Variants in MYO1B observed in about 807,000 individuals in gnomAD.
MYO1B encodes myosin IB, also known as unconventional myosin-Ib.
In MYO1B, 72 loss-of-function variants were observed where a neutral mutation model predicts 159.7. The ratio of observed to expected loss-of-function variants is 0.45; its 90% CI spans 0.37 to 0.55. The LOEUF (loss-of-function observed/expected upper bound fraction) is 0.55. Ranked by LOEUF, MYO1B falls within the 20% of genes least tolerant of loss-of-function variation. The probability of loss-of-function intolerance (pLI) is 0.00; values close to 1 mark genes in which losing one functional copy is unlikely to be tolerated. For synonymous variants in MYO1B, 468 were observed against 473.8 expected (o/e 0.99, Z 0.16); for missense variants, 1,062 against 1,364.8 (o/e 0.78, Z 3.50).
At chr2:191,267,650 A>G (rs951937794) in intron 1 of MYO1B, among the ~76,000 whole-genome samples, 5 of 152,158 alleles carry the variant, frequency 3.3e-5, no homozygotes, top group African/African-American at 4.8e-5. Flanking sequence ...ACTTTCTCCA[A>G]TGCTTTAGGG....
At chr2:191,265,121 G>C (rs988767148) in intron 1 of MYO1B, among the ~76,000 whole-genome samples, 1 of 151,730 alleles carries the variant, frequency 6.6e-6, no homozygotes, top group Non-Finnish European at 1.5e-5. Flanking sequence ...AACAAGAATA[G>C]TGCACTAAAT....
intron 4 of MYO1B, among the ~76,000 whole-genome samples, chr2:191,338,878 G>A (rs750331991): frequency 1.3e-5 from 2 of 152,222 alleles, no homozygotes; most frequent in Non-Finnish European, 2.9e-5. Flanking sequence ...GTGTATTTGT[G>A]TGTGTGTGCA....
chr2:191,420,296 A>G (rs1370734555), intron 30 of MYO1B, among the ~76,000 whole-genome samples: 1 of 152,208 alleles, frequency 6.6e-6, no homozygotes, highest in African/African-American at 2.4e-5. Flanking sequence ...ATTATTGAAG[A>G]AAGAAAAAAT....
At chr2:191,289,560 T>C (rs1389815368) in intron 2 of MYO1B, among the ~76,000 whole-genome samples, 1 of 152,160 alleles carries the variant, frequency 6.6e-6, no homozygotes, top group Admixed American at 6.5e-5. Flanking sequence ...AACAAATAAC[T>C]GAAATTCATC....
Position 191,390,453 on chromosome 2 carries a change from T to C in MYO1B, c.1943T>C (p.Leu648Pro). The change falls in exon 18 of 31, where the codon CTT (leucine) becomes CCT (proline). Residue 648 changes from leucine to proline, a missense_variant. Physicochemically the swap from Leu to Pro is moderately conservative, Grantham distance 98. Coordinates refer to ENST00000392318, the MANE Select transcript of MYO1B (RefSeq NM_001130158.3). ...YEPCLERYKM[L>P]CKQTWPHWKG... ...CCTTGCCTAGAAAGATACAAAATGC[T>C]TTGTAAACAAACATGGCCTCATTGG... is the stretch of plus-strand genomic sequence containing the variant. 3 of 1,614,204 alleles carry C rather than the reference T, an allele frequency of 1.9e-6. No individual in the cohort carries two copies. The highest frequency in any genetic ancestry group is 2.5e-6 in the Non-Finnish European group (3 of 1,180,030).
At chr2:191,382,427 A>C (rs776215902) in intron 14 of MYO1B, among the ~76,000 whole-genome samples, 10 of 152,192 alleles carry the variant, frequency 6.6e-5, no homozygotes, top group Non-Finnish European at 1.3e-4. Flanking sequence ...TAGAGTACTC[A>C]TTATGCTTCA....
chr2:191,392,658 T>C (rs1695827661), intron 19 of MYO1B, among the ~76,000 whole-genome samples: 1 of 152,188 alleles, frequency 6.6e-6, no homozygotes, highest in African/African-American at 2.4e-5. Flanking sequence ...TTTTTGTCAA[T>C]GAATAGATGA....
At chr2:191,336,265 T>C (rs1691832126) in intron 4 of MYO1B, among the ~76,000 whole-genome samples, 1 of 152,180 alleles carries the variant, frequency 6.6e-6, no homozygotes, top group East Asian at 1.9e-4. Flanking sequence ...AGACCTTTGG[T>C]TCTAAACCCC....
chr2:191,301,429 C>CA (rs11370400), intron 3 of MYO1B, among the ~76,000 whole-genome samples: 80,375 of 151,814 alleles, frequency 0.53, 22,024 homozygotes, highest in East Asian at 0.65. Flanking sequence ...TTAAATGATC[C>CA]AAATCAGAAA....
chr2:191,371,238 C>G (rs1389903568), intron 13 of MYO1B, among the ~76,000 whole-genome samples: 2 of 152,090 alleles, frequency 1.3e-5, no homozygotes, highest in African/African-American at 4.8e-5. Flanking sequence ...CCAGGCTCTG[C>G]CCAGAATGTT....
intron 3 of MYO1B, among the ~76,000 whole-genome samples, chr2:191,307,279 G>A (rs532545359): frequency 2.1e-4 from 32 of 152,048 alleles, no homozygotes; most frequent in African/African-American, 7.5e-4. Context: ...CATTGCCATG[G>A]CATTTGTAAA....
At chr2:191,276,057 G>A (rs895113999) in intron 1 of MYO1B, among the ~76,000 whole-genome samples, 1 of 152,164 alleles carries the variant, frequency 6.6e-6, no homozygotes, top group Non-Finnish European at 1.5e-5. Flanking sequence ...TTGAACCAAA[G>A]GGAAACTGTA....
chr2:191,338,395 T>C (rs1574461052), intron 4 of MYO1B, among the ~76,000 whole-genome samples: 1 of 152,220 alleles, frequency 6.6e-6, no homozygotes, highest in African/African-American at 2.4e-5. Context: ...ATAAAGTGAT[T>C]CTTAATTTCA....
chr2:191,408,469 A>C (rs1387158385), intron 25 of MYO1B, among the ~76,000 whole-genome samples: 1 of 152,180 alleles, frequency 6.6e-6, no homozygotes, highest in African/African-American at 2.4e-5. Context: ...AGTGGATCCA[A>C]GAAAGCCATG....
intron 13 of MYO1B, among the ~76,000 whole-genome samples, chr2:191,372,292 A>G (rs942463481): frequency 2.0e-5 from 3 of 152,270 alleles, no homozygotes; most frequent in South Asian, 2.1e-4. Context: ...GCTTAATATC[A>G]TATCACAACA....
chr2:191,408,961 G>A (rs1040295479), intron 25 of MYO1B, 83 bp from the exon 26 acceptor site: 33 of 1,379,078 alleles, frequency 2.4e-5, no homozygotes, highest in South Asian at 7.5e-5. Flanking sequence ...CTATTGTCTC[G>A]TTTATTTGAT....
chr2:191,354,138 C>G (rs1183240586), intron 7 of MYO1B, among the ~76,000 whole-genome samples: 1 of 151,960 alleles, frequency 6.6e-6, no homozygotes, highest in East Asian at 1.9e-4. Context: ...CACCTGTAAT[C>G]CCAGCCACTC....
chr2:191,260,429 G>C (rs553346324), intron 1 of MYO1B, among the ~76,000 whole-genome samples: 1 of 151,800 alleles, frequency 6.6e-6, no homozygotes, highest in South Asian at 2.1e-4. Flanking sequence ...AACATTGGTT[G>C]TTTTGGGGTT....
rs1695161054 is a variant in MYO1B at position 191,383,415 on chromosome 2, C to T, written c.1353+73C>T. Reference sequence around the variant, plus strand: ...TCACCCTTATAAATGTTCTCAGTGCCTCAATGTTAAGCATTAGTATTTTCA... The same window carrying T: ...TCACCCTTATAAATGTTCTCAGTGCTTCAATGTTAAGCATTAGTATTTTCA... On this transcript the variant is annotated intron_variant, in intron 15 of 30. Transcript: ENST00000392318. 10 of 612,468 alleles carry T rather than the reference C, an allele frequency of 1.6e-5. No individual in the cohort carries two copies. In the East Asian group the frequency reaches 4.2e-4, roughly 26 times the overall value. 37.9% of individuals were successfully genotyped at this position (612,468 alleles called of 1,614,324 possible). A position where few individuals can be genotyped will look rare whatever the true frequency, so the allele number is the denominator to read the frequency against.
Sources: allele counts gnomAD v4.1 joint callset (sites outside exome capture counted in the v4.1 genomes callset), GRCh38; gene constraint gnomAD v4.1.1; transcripts MANE v1.5; gene names NCBI Gene and HGNC (gene_info 2026-07-23, HGNC 2026-07-21).